The following AKAP9 variants were observed in gnomAD, a reference collection of about 807,000 sequenced individuals.
The protein encoded by AKAP9 is A-kinase anchor protein 9.
A neutral mutation model predicts 488.5 loss-of-function variants in AKAP9; 311 were observed. The observed-to-expected ratio is 0.64, with a 90% CI of 0.58 to 0.70. The LOEUF (loss-of-function observed/expected upper bound fraction) is 0.70. AKAP9 is among the 30% of genes least tolerant of loss of function. AKAP9 has a pLI of 0.00. For missense variants in AKAP9, 4,215 were observed against 4,374.5 expected (o/e 0.96, Z 1.03); for synonymous variants, 1,462 against 1,483.5 (o/e 0.99, Z 0.33).
Position 92,012,973 on chromosome 7 carries a change from ATTTTTTTTTTTTTTTTTTTTTT to A in AKAP9, c.3532+346_3532+367del, listed in dbSNP as rs749688986. On this transcript the variant is annotated intron_variant, in intron 9 of 49. Coordinates refer to ENST00000356239, the MANE Select transcript of AKAP9 (RefSeq NM_005751.5). The stretch of plus-strand genomic sequence containing the variant: ...GGTGGTAGACAGTGGTGGGGTTGGA[ATTTTTTTTTTTTTTTTTTTTTT>A]TTTTTTTTTTTTTTGAGACGGAGTC... Among the ~76,000 whole-genome samples, 11 of 60,712 alleles carry A rather than the reference ATTTTTTTTTTTTTTTTTTTTTT, an allele frequency of 1.8e-4. 1 individual carries two copies. Among genetic ancestry groups the A allele is most frequent in the Non-Finnish European group, 2.1e-4 (7 of 33,086 alleles). 39.8% of individuals were successfully genotyped at this position (60,712 alleles called of 152,430 possible). A position where few individuals can be genotyped will look rare whatever the true frequency, so the allele number is the denominator to read the frequency against.
chr7:92,034,494 A>ATTTTT (rs1161686473), intron 16 of AKAP9, among the ~76,000 whole-genome samples: 1 of 89,698 alleles, frequency 1.1e-5, no homozygotes, highest in African/African-American at 4.7e-5. Flanking sequence ...ATATATATAT[A>ATTTTT]TATATTTTTT....
At position 92,002,741 on chromosome 7, in the gene AKAP9, A is replaced by G; in HGVS notation, c.2824A>G (p.Met942Val). Residue 942 changes from methionine to valine, a missense_variant, in exon 8 of 50, where the codon ATG becomes GTG. Coordinates refer to ENST00000356239, the MANE Select transcript of AKAP9 (RefSeq NM_005751.5). ...EVVEKDTTEL[M>V]EKLEVTKREK... ...TGTTGAAAAGGATACAACAGAACTC[A>G]TGGAAAAACTTGAGGTAACCAAGCG... The G allele has an allele frequency of 6.2e-7, 1 of 1,613,738 alleles. No individual in the cohort carries two copies. The highest frequency in any genetic ancestry group is 1.3e-5 in the African/African-American group (1 of 75,056).
chr7:92,094,811 G>A (rs1416049969), intron 39 of AKAP9, among the ~76,000 whole-genome samples: 4 of 152,148 alleles, frequency 2.6e-5, no homozygotes, highest in East Asian at 1.9e-4. Context: ...CCAGCCTGGC[G>A]ACAGAGCGAG....
chr7:91,950,026 A>G (rs761195967), intron 1 of AKAP9, among the ~76,000 whole-genome samples: 2 of 152,170 alleles, frequency 1.3e-5, no homozygotes, highest in African/African-American at 4.8e-5. Context: ...ACTATAATCA[A>G]CTTTACTATA....
At chr7:92,108,740 T>C (rs558593410) in intron 49 of AKAP9, 107 bp downstream of exon 49, 12 of 1,331,088 alleles carry the variant, frequency 9.0e-6, no homozygotes, top group South Asian at 1.2e-5. Context: ...GCTTCCAGTT[T>C]AGTGCATGAG....
chr7:92,054,553 T>A (rs1169601354), intron 22 of AKAP9, among the ~76,000 whole-genome samples: 2 of 152,034 alleles, frequency 1.3e-5, no homozygotes, highest in East Asian at 3.9e-4. Flanking sequence ...TTAAGATGTT[T>A]AAGATGAGTT....
chr7:91,968,421 A>T (rs967196742), intron 1 of AKAP9, among the ~76,000 whole-genome samples: 1 of 151,952 alleles, frequency 6.6e-6, no homozygotes, highest in African/African-American at 2.4e-5. Context: ...TGATTTTTGT[A>T]TTTCTGTGGT....
intron 7 of AKAP9, among the ~76,000 whole-genome samples, chr7:91,997,434 G>T (rs147659676): frequency 6.6e-6 from 1 of 152,154 alleles, no homozygotes; most frequent in African/African-American, 2.4e-5. Flanking sequence ...ATTGTATTTT[G>T]TTTCCCCAAC....
rs146998474 is a variant in AKAP9 at position 91,985,657 on chromosome 7, C to G, written c.351+5324C>G. On this transcript the variant is annotated intron_variant, in intron 3 of 49. Coordinates refer to ENST00000356239, the MANE Select transcript of AKAP9 (RefSeq NM_005751.5). The stretch of plus-strand genomic sequence containing the variant: ...TAGGGAGGATTCCCCCACCCCCTTT[C>G]TTTTTTCTGTGGCGGAGTCTCACTC... 8.4e-3 allele frequency among the ~76,000 whole-genome samples: 1,284 copies of G among 152,022 alleles called. 12 individuals carry two copies. The highest frequency in any genetic ancestry group is 0.012 in the Non-Finnish European group (830 of 67,904).
At chr7:92,077,929 G>T in intron 30 of AKAP9, 54 bp downstream of exon 30, 1 of 1,344,762 alleles carries the variant, frequency 7.4e-7, no homozygotes, top group Non-Finnish European at 1.0e-6. Context: ...GTTTTAAAGG[G>T]CAAAATGGTT....
intron 16 of AKAP9, among the ~76,000 whole-genome samples, chr7:92,037,544 C>T (rs1199959211): frequency 6.6e-6 from 1 of 152,070 alleles, no homozygotes; most frequent in Non-Finnish European, 1.5e-5. Flanking sequence ...GTTATTGATA[C>T]GGTTGGTTCT....
intron 37 of AKAP9, 139 bp from the exon 38 acceptor site, chr7:92,089,246 G>C (rs1815114297): frequency 2.5e-6 from 2 of 785,536 alleles, no homozygotes; most frequent in Non-Finnish European, 4.0e-6. Flanking sequence ...ATACATTTTG[G>C]AAAGGAAAAA....
intron 14 of AKAP9, among the ~76,000 whole-genome samples, chr7:92,024,309 G>A (rs1313626430): frequency 6.6e-6 from 1 of 151,638 alleles, no homozygotes; most frequent in African/African-American, 2.4e-5. Context: ...CTACTCAGGA[G>A]GCTGAGGCAC....
chr7:92,089,239 C>T (rs1584504473), intron 37 of AKAP9, 146 bp from the exon 38 acceptor site: 1 of 708,410 alleles, frequency 1.4e-6, no homozygotes, highest in Middle Eastern at 4.1e-4. Context: ...TATCCTCATA[C>T]ATTTTGGAAA....
intron 12 of AKAP9, among the ~76,000 whole-genome samples, chr7:92,017,565 T>C (rs1801694806): frequency 6.6e-6 from 1 of 152,166 alleles, no homozygotes; most frequent in South Asian, 2.1e-4. Context: ...TGTAATTTAT[T>C]AACTCTTATC....
intron 47 of AKAP9, among the ~76,000 whole-genome samples, chr7:92,105,980 A>C (rs545234548): frequency 1.0e-3 from 157 of 152,332 alleles, no homozygotes; most frequent in African/African-American, 3.7e-3. Context: ...TGAACTGCAC[A>C]TGTGAGGAAT....
chr7:92,021,971 G>A (rs1486836489), intron 12 of AKAP9, among the ~76,000 whole-genome samples: 1 of 152,132 alleles, frequency 6.6e-6, no homozygotes, highest in Non-Finnish European at 1.5e-5. Flanking sequence ...ATTCTCAGAA[G>A]CACTTGTTTT....
rs1178204100 is a variant in AKAP9 at position 92,029,780 on chromosome 7, G to A, written c.4149-115G>A. On this transcript the variant is annotated intron_variant, in intron 14 of 49. Transcript: ENST00000356239. Reference sequence around the variant, plus strand: ...TTAACTTGCAATACCTATAACCCTAGACTCATTTTTGTCTCCCATGCCCCA... The same window carrying A: ...TTAACTTGCAATACCTATAACCCTAAACTCATTTTTGTCTCCCATGCCCCA... 13 of 810,154 alleles carry A rather than the reference G, an allele frequency of 1.6e-5. No individual in the cohort carries two copies. In the Admixed American group the frequency reaches 2.4e-4, roughly 15 times the overall value. 50.2% of individuals were successfully genotyped at this position (810,154 alleles called of 1,614,324 possible). A position where few individuals can be genotyped will look rare whatever the true frequency, so the allele number is the denominator to read the frequency against.
chr7:91,989,052 G>A (rs757066592), intron 3 of AKAP9, among the ~76,000 whole-genome samples: 2 of 152,126 alleles, frequency 1.3e-5, no homozygotes, highest in African/African-American at 4.8e-5. Flanking sequence ...TAGACGTTCA[G>A]CAAAGTGTGG....
Sources: allele counts gnomAD v4.1 joint callset (sites outside exome capture counted in the v4.1 genomes callset), GRCh38; gene constraint gnomAD v4.1.1; transcripts MANE v1.5; gene names NCBI Gene and HGNC (gene_info 2026-07-23, HGNC 2026-07-21).